The following CPVL variants were observed in gnomAD, a reference collection of about 807,000 sequenced individuals.
The protein encoded by CPVL is carboxypeptidase vitellogenic like.
A neutral mutation model predicts 63.7 loss-of-function variants in CPVL; 51 were observed. The ratio of observed to expected loss-of-function variants is 0.80; its 90% confidence interval spans 0.64 to 1.01. The LOEUF (loss-of-function observed/expected upper bound fraction) is 1.01, where lower values mean the gene tolerates loss of function less well. Among genes scored for constraint, CPVL ranks in the 50% least tolerant of loss-of-function variants. The pLI, the probability that CPVL is intolerant of heterozygous loss-of-function variation, is 0.00. For synonymous variants in CPVL, 195 were observed against 206.0 expected, an observed-to-expected ratio of 0.95 and a Z score of 0.46; for missense variants, 530 against 573.1, an observed-to-expected ratio of 0.92 and a Z score of 0.77.
intron 1 of CPVL, among the ~76,000 whole-genome samples, chr7:29,133,551 T>C (rs537958512): frequency 1.3e-5 from 2 of 152,314 alleles, no homozygotes; most frequent in East Asian, 3.9e-4. Flanking sequence ...GCCTCATCCA[T>C]CCAACTGCCT....
chr7:29,105,967 A>G (rs1787678569), intron 3 of CPVL, among the ~76,000 whole-genome samples: 1 of 152,248 alleles, frequency 6.6e-6, no homozygotes, highest in African/African-American at 2.4e-5. Context: ...GAGTGCTCAC[A>G]GATGGACAAG....
intron 12 of CPVL, chr7:29,011,731 T>C (rs1785855453): frequency 6.6e-6 from 1 of 152,152 alleles, no homozygotes; most frequent in East Asian, 1.9e-4. Flanking sequence ...AATTGTGAGA[T>C]AGCACATACA....
intron 4 of CPVL, among the ~76,000 whole-genome samples, chr7:29,182,688 G>A (rs1042549674): frequency 1.3e-5 from 2 of 152,182 alleles, no homozygotes; most frequent in Non-Finnish European, 2.9e-5. Context: ...CCTCAAGATT[G>A]TTAGCATTCA....
chr7:29,102,811 A>G (rs1260029519), intron 3 of CPVL, among the ~76,000 whole-genome samples: 2 of 152,174 alleles, frequency 1.3e-5, no homozygotes, highest in Non-Finnish European at 2.9e-5. Flanking sequence ...AACGGCCCAG[A>G]AAGAGAGAAG....
intron 5 of CPVL, among the ~76,000 whole-genome samples, chr7:29,155,058 C>A (rs1562797826): frequency 6.6e-6 from 1 of 152,102 alleles, no homozygotes; most frequent in Non-Finnish European, 1.5e-5. Context: ...TCTCGTGAGA[C>A]TTATTCACTG....
intron 11 of CPVL, among the ~76,000 whole-genome samples, chr7:29,045,384 C>T (rs960741084): frequency 6.6e-6 from 1 of 152,104 alleles, no homozygotes; most frequent in Non-Finnish European, 1.5e-5. Context: ...AATTGGTTTT[C>T]GAATGTACAC....
intron 12 of CPVL, chr7:29,001,454 C>T (rs1360020413): frequency 1.3e-5 from 2 of 152,152 alleles, no homozygotes; most frequent in Non-Finnish European, 2.9e-5. Flanking sequence ...TGCTTTCAGA[C>T]ACTAACTATA....
intron 1 of CPVL, among the ~76,000 whole-genome samples, chr7:29,122,041 A>T (rs769800532): frequency 3.3e-5 from 5 of 152,234 alleles, no homozygotes; most frequent in Non-Finnish European, 7.3e-5. Flanking sequence ...ATAAAACTGT[A>T]TAATTATTTA....
At chr7:29,127,322 T>C (rs1291035856) in intron 1 of CPVL, 2 of 152,218 alleles carry the variant, frequency 1.3e-5, no homozygotes, top group Admixed American at 6.5e-5. Flanking sequence ...ATGATAATGA[T>C]ACCAGTTAAT....
At chr7:29,162,641 A>G (rs1265227663) in intron 5 of CPVL, among the ~76,000 whole-genome samples, 3 of 151,292 alleles carry the variant, frequency 2.0e-5, no homozygotes, top group Non-Finnish European at 4.4e-5. Flanking sequence ...AGCCTGGGCA[A>G]CAAGAGTGAA....
At chr7:29,100,600 T>C (rs1432507694) in intron 3 of CPVL, among the ~76,000 whole-genome samples, 1 of 152,174 alleles carries the variant, frequency 6.6e-6, no homozygotes, top group East Asian at 1.9e-4. Flanking sequence ...AGCCTGACCC[T>C]GAGAGCCCAC....
At chr7:29,066,815 A>G (rs1269069253) in intron 9 of CPVL, among the ~76,000 whole-genome samples, 2 of 152,218 alleles carry the variant, frequency 1.3e-5, no homozygotes. Flanking sequence ...GCATGGTTGC[A>G]TGCTTTCCTC....
intron 2 of CPVL, among the ~76,000 whole-genome samples, chr7:29,115,496 T>C (rs1181631607): frequency 6.6e-6 from 1 of 152,190 alleles, no homozygotes; most frequent in East Asian, 1.9e-4. Context: ...CTGTCGTTTT[T>C]CTTCTCCCTT....
Position 29,066,131 on chromosome 7 carries a change from G to A in CPVL, c.865-10C>T. ...GTAGTTTATCCAGTATCTAGGTTGG[G>A]AGAGAGGGAGAAAGAAAGAAAGAAA... On this transcript the variant is annotated splice_polypyrimidine_tract_variant and intron_variant, in intron 9 of 12. Coordinates refer to ENST00000265394, the MANE Select transcript of CPVL (RefSeq NM_031311.5). 2 of 1,334,710 alleles carry A rather than the reference G, an allele frequency of 1.5e-6. No individual in the cohort carries two copies. Among genetic ancestry groups the A allele is most frequent in the South Asian group, 1.2e-5 (1 of 80,958 alleles). The allele number at this position is 1,334,710 out of a possible 1,614,324, so 82.7% of individuals were successfully genotyped here. A position where few individuals can be genotyped will look rare whatever the true frequency, so the allele number is the denominator to read the frequency against.
chr7:29,095,448 T>C (rs531247630), intron 4 of CPVL, among the ~76,000 whole-genome samples: 4 of 152,138 alleles, frequency 2.6e-5, no homozygotes, highest in South Asian at 2.1e-4. Flanking sequence ...TCTGCAATAA[T>C]ATCCATATGT....
At chr7:29,149,679 G>A (rs549451760), upstream of CPVL, among the ~76,000 whole-genome samples, 22 of 152,264 alleles carry the variant, frequency 1.4e-4, no homozygotes, top group Middle Eastern at 3.4e-3. Flanking sequence ...AGCAGGGCCA[G>A]GTTCCCTCTG....
chr7:29,139,160 C>T (rs112650716), intron 1 of CPVL, among the ~76,000 whole-genome samples: 3 of 152,164 alleles, frequency 2.0e-5, no homozygotes, highest in Non-Finnish European at 4.4e-5. Context: ...CATTCTAAGA[C>T]GAGCAGGAAA....
chr7:29,072,044 C>G (rs1455030762), intron 8 of CPVL, 140 bp from the exon 9 acceptor site: 7 of 979,518 alleles, frequency 7.1e-6, no homozygotes, highest in Non-Finnish European at 1.1e-5. Context: ...CATGCACACA[C>G]ACATATACAC....
chr7:29,188,600 G>T (rs1377292265), intron 1 of CPVL, among the ~76,000 whole-genome samples: 2 of 151,934 alleles, frequency 1.3e-5, no homozygotes. Flanking sequence ...GGAAAGAAAT[G>T]AAAATATTGA....
Sources: allele counts gnomAD v4.1 joint callset (sites outside exome capture counted in the v4.1 genomes callset), GRCh38; gene constraint gnomAD v4.1.1; transcripts MANE v1.5; gene names NCBI Gene and HGNC (gene_info 2026-07-23, HGNC 2026-07-21).